The following MCM9 variants were observed in gnomAD, a reference collection of about 807,000 sequenced individuals.
The protein encoded by MCM9 is DNA helicase MCM9.
Under a neutral mutation model 72.8 loss-of-function variants are expected in MCM9, and 55 were observed. That is an observed-to-expected ratio of 0.76 (90% CI 0.61 to 0.95). The LOEUF is 0.95. Ranked by LOEUF, MCM9 falls within the 40% of genes least tolerant of loss-of-function variation. The pLI is 0.00. For synonymous variants in MCM9, 480 were observed against 503.4 expected, an observed-to-expected ratio of 0.95 and a Z score of 0.62; for missense variants, 1,279 against 1,377.0, an observed-to-expected ratio of 0.93 and a Z score of 1.13.
intron 9 of MCM9, among the ~76,000 whole-genome samples, chr6:118,837,052 C>A (rs185443599): frequency 3.9e-5 from 6 of 152,248 alleles, no homozygotes; most frequent in African/African-American, 1.4e-4. Flanking sequence ...AGCTGTGTCC[C>A]AGAGATTCTG....
At chr6:118,927,721 T>G (rs745981813) in intron 3 of MCM9, among the ~76,000 whole-genome samples, 1 of 152,224 alleles carries the variant, frequency 6.6e-6, no homozygotes, top group Non-Finnish European at 1.5e-5. Context: ...TTGTTATTTT[T>G]GGCTTAAAAA....
At chr6:118,918,420 C>A (rs1781138314) in intron 5 of MCM9, 1 of 152,286 alleles carries the variant, frequency 6.6e-6, no homozygotes, top group Admixed American at 6.5e-5. Flanking sequence ...TCTCTCCTAC[C>A]TGAGGAAACC....
At chr6:118,927,136 C>G (rs991734166) in intron 3 of MCM9, among the ~76,000 whole-genome samples, 5 of 152,202 alleles carry the variant, frequency 3.3e-5, no homozygotes, top group Non-Finnish European at 7.3e-5. Flanking sequence ...CATCTCAGTT[C>G]TGCTTCAGAT....
intron 8 of MCM9, among the ~76,000 whole-genome samples, chr6:118,861,268 G>A (rs1776887202): frequency 6.6e-6 from 1 of 152,206 alleles, no homozygotes; most frequent in Admixed American, 6.5e-5. Context: ...ACCAGGAACT[G>A]CAGAGCCCCA....
intron 8 of MCM9, among the ~76,000 whole-genome samples, chr6:118,874,862 C>T (rs1267628503): frequency 6.6e-6 from 1 of 152,240 alleles, no homozygotes; most frequent in Non-Finnish European, 1.5e-5. Context: ...GCCTGTAATC[C>T]CAGCACTCTG....
Position 118,917,661 on chromosome 6 carries a change from G to C in MCM9, c.804C>G (p.Ile268Met). 1 of 1,614,088 alleles carries C rather than the reference G, an allele frequency of 6.2e-7. No homozygotes were observed. Among genetic ancestry groups the C allele is most frequent in the Non-Finnish European group, 8.5e-7 (1 of 1,180,014 alleles). Residue 268 changes from isoleucine to methionine, a missense_variant, in exon 6 of 14, where the codon ATC (isoleucine) becomes ATG (methionine). By Grantham distance (10) the Ile-to-Met change is conservative. Transcript: ENST00000619706. ...EVEIVLKANY[I>M]QVNNEQSSGI... ...CTGAGGACTGCTCATTATTTACTTG[G>C]ATGTAATTTGCTTTCAGGACTATCT...
At position 118,896,026 on chromosome 6, in the gene MCM9, T is replaced by C. The variant is rs576389339; in HGVS notation, c.1150+15624A>G. Among the ~76,000 whole-genome samples, 77 of 149,956 alleles carry C rather than the reference T, an allele frequency of 5.1e-4. 2 individuals carry two copies. The South Asian group carries it at 0.016, about 32-fold the overall frequency. On this transcript the variant is annotated intron_variant, in intron 8 of 13. Transcript: ENST00000619706. The stretch of plus-strand genomic sequence containing the variant: ...CCTTTCGGTAATCACAATTATTACT[T>C]TAACATGTGCCCCCGTTTTTTTTTT...
chr6:118,917,574 G>A lies in MCM9; in HGVS notation c.891C>T (p.Ser297=), dbSNP rs375293762. The A allele has an allele frequency of 8.8e-5, 142 of 1,613,896 alleles. No homozygotes were observed. The highest frequency in any genetic ancestry group is 1.3e-4 in the African/African-American group (10 of 74,896). The stretch of plus-strand genomic sequence containing the variant: ...TTAAACACAAACCTGCAAAGGGATC[G>A]CTCTTATAGTATTCCCAAAAATCTT... The part of the protein sequence containing the change: ...EFEDFWEYYK[S]DPFAGRNVIL... The change falls in exon 6 of 14, where the codon AGC becomes AGT. Residue 297 remains serine (S), a synonymous_variant. Transcript: ENST00000619706.
At chr6:118,851,800 A>G (rs1432932803) in intron 9 of MCM9, among the ~76,000 whole-genome samples, 1 of 149,296 alleles carries the variant, frequency 6.7e-6, no homozygotes, top group Non-Finnish European at 1.5e-5. Flanking sequence ...TTGAAACTAT[A>G]ATAATACACA....
intron 8 of MCM9, among the ~76,000 whole-genome samples, chr6:118,889,522 A>C (rs767602159): frequency 6.6e-6 from 1 of 152,204 alleles, no homozygotes; most frequent in Non-Finnish European, 1.5e-5. Flanking sequence ...GAATGAGAGC[A>C]GTAGAGGGTT....
At chr6:118,915,433 A>G (rs1780860393) in intron 6 of MCM9, among the ~76,000 whole-genome samples, 1 of 152,218 alleles carries the variant, frequency 6.6e-6, no homozygotes, top group Non-Finnish European at 1.5e-5. Context: ...AAGAGGGTTC[A>G]GATGGCCCAA....
chr6:118,915,408 A>C (rs1780858081), intron 6 of MCM9, among the ~76,000 whole-genome samples: 1 of 152,212 alleles, frequency 6.6e-6, no homozygotes, highest in South Asian at 2.1e-4. Flanking sequence ...AATTAAGATA[A>C]GTCAGTGACC....
chr6:118,909,464 CG>C (rs144195714), intron 8 of MCM9, among the ~76,000 whole-genome samples: 1,586 of 152,206 alleles, frequency 0.01, 30 homozygotes, highest in African/African-American at 0.036. Flanking sequence ...ACATTAGAAA[CG>C]TAAGAAACTG....
At position 118,874,931 on chromosome 6, in the gene MCM9, T is replaced by G. The variant is rs138877168; in HGVS notation, c.1151-18386A>C. On this transcript the variant is annotated intron_variant, in intron 8 of 13. Transcript: ENST00000619706. ...GAGTTCGAGACCAGCCTGGCCAACA[T>G]AGTGAAACCCCGTTTCTATTAAAAA... Among the ~76,000 whole-genome samples the G allele has an allele frequency of 6.6e-3, 997 of 152,212 alleles. 7 individuals are homozygous for G. Among genetic ancestry groups the G allele is most frequent in the African/African-American group, 0.022 (928 of 41,552 alleles).
At chr6:118,929,155 G>A (rs1022883892) in intron 3 of MCM9, among the ~76,000 whole-genome samples, 16 of 152,208 alleles carry the variant, frequency 1.1e-4, no homozygotes, top group African/African-American at 3.9e-4. Flanking sequence ...AGGAGGCAGA[G>A]GTTGCAGTGA....
intron 13 of MCM9, among the ~76,000 whole-genome samples, chr6:118,818,819 AG>A: frequency 6.6e-6 from 1 of 152,280 alleles, no homozygotes; most frequent in East Asian, 1.9e-4. Context: ...AGTGGTTTGT[AG>A]TTCTCCTTGA....
intron 8 of MCM9, 65 bp downstream of exon 8, chr6:118,911,585 A>G: frequency 6.6e-7 from 1 of 1,524,240 alleles, no homozygotes; most frequent in South Asian, 1.3e-5. Context: ...GTTTTTCATT[A>G]GAAAAAACCA....
chr6:118,900,454 T>G (rs1293046588), intron 8 of MCM9, among the ~76,000 whole-genome samples: 2 of 152,212 alleles, frequency 1.3e-5, no homozygotes, highest in African/African-American at 4.8e-5. Flanking sequence ...TCAGAAAACT[T>G]ACTGTGCCAG....
chr6:118,830,795 G>C (rs1195738035), intron 9 of MCM9, among the ~76,000 whole-genome samples: 1 of 152,082 alleles, frequency 6.6e-6, no homozygotes, highest in Non-Finnish European at 1.5e-5. Context: ...CATTTCCTTT[G>C]TGCAAAAAGC....
Sources: gnomAD v4.1 joint callset for allele counts (sites outside exome capture counted in the v4.1 genomes callset) on GRCh38, gnomAD v4.1.1 for gene constraint, MANE v1.5 for transcripts, NCBI Gene and HGNC (gene_info 2026-07-23, HGNC 2026-07-21) for gene names.